Variants in STAU2 observed in about 807,000 individuals in gnomAD.
STAU2 encodes the protein staufen double-stranded RNA binding protein 2.
A neutral mutation model predicts 65.9 loss-of-function variants in STAU2; 20 were observed. The observed-to-expected ratio is 0.30, with a 90% CI of 0.21 to 0.44. STAU2 has a LOEUF of 0.44. Ranked by LOEUF, STAU2 falls within the 20% of genes least tolerant of loss-of-function variation. The pLI, the probability that STAU2 is intolerant of heterozygous loss-of-function variation, is 1.00. For missense variants in STAU2, 558 were observed against 683.9 expected (o/e 0.82, Z 2.05); for synonymous variants, 232 against 233.9 (o/e 0.99, Z 0.07).
intron 13 of STAU2, among the ~76,000 whole-genome samples, chr8:73,522,867 G>C (rs1193622112): frequency 6.6e-6 from 1 of 152,138 alleles, no homozygotes; most frequent in Non-Finnish European, 1.5e-5. Context: ...CCAGACAGGA[G>C]TGGGCTTAGA....
intron 5 of STAU2, among the ~76,000 whole-genome samples, chr8:73,683,828 G>T (rs941523508): frequency 7.9e-5 from 12 of 152,134 alleles, no homozygotes; most frequent in African/African-American, 2.9e-4. Context: ...ACCAAGCTGA[G>T]AATCAAATCA....
chr8:73,707,422 C>G (rs10107852), intron 4 of STAU2, among the ~76,000 whole-genome samples: 49,447 of 151,944 alleles, frequency 0.33, 9,434 homozygotes, highest in African/African-American at 0.52. Flanking sequence ...GGCTGAAGGA[C>G]AGTAGAGAAC....
chr8:73,450,911 G>A (rs1287610775), intron 13 of STAU2, among the ~76,000 whole-genome samples: 1 of 152,150 alleles, frequency 6.6e-6, no homozygotes, highest in Non-Finnish European at 1.5e-5. Context: ...GAAGGTGACG[G>A]CATTTGTAGT....
At chr8:73,601,846 C>A (rs1468967440) in intron 10 of STAU2, among the ~76,000 whole-genome samples, 2 of 152,154 alleles carry the variant, frequency 1.3e-5, no homozygotes, top group Non-Finnish European at 2.9e-5. Context: ...AGTTTATATT[C>A]CCAATACATG....
chr8:73,563,395 C>T (rs1283964581), intron 12 of STAU2, among the ~76,000 whole-genome samples: 2 of 152,168 alleles, frequency 1.3e-5, no homozygotes, highest in Non-Finnish European at 2.9e-5. Flanking sequence ...GGTCACCTCA[C>T]TATGGTGTCA....
intron 4 of STAU2, among the ~76,000 whole-genome samples, chr8:73,700,399 T>C (rs958094728): frequency 2.0e-5 from 3 of 152,024 alleles, no homozygotes; most frequent in Admixed American, 6.6e-5. Context: ...TTGCAGATGA[T>C]ATGATCTTAT....
intron 3 of STAU2, among the ~76,000 whole-genome samples, chr8:73,726,216 G>A (rs554651968): frequency 6.6e-6 from 1 of 152,052 alleles, no homozygotes; most frequent in Non-Finnish European, 1.5e-5. Context: ...ACTCATAAGT[G>A]GGAGCTAAAT....
At chr8:73,468,035 C>T (rs187227661) in intron 13 of STAU2, among the ~76,000 whole-genome samples, 24 of 152,312 alleles carry the variant, frequency 1.6e-4, no homozygotes, top group Admixed American at 3.9e-4. Flanking sequence ...GGAGGCATCA[C>T]GTGCTACCTG....
intron 10 of STAU2, among the ~76,000 whole-genome samples, chr8:73,600,500 A>G (rs547153652): frequency 1.3e-5 from 2 of 152,292 alleles, no homozygotes; most frequent in Admixed American, 6.5e-5. Context: ...CTGCCTCAAC[A>G]TGGCAGGCCC....
At chr8:73,677,228 T>C (rs1264921841) in intron 5 of STAU2, among the ~76,000 whole-genome samples, 1 of 152,182 alleles carries the variant, frequency 6.6e-6, no homozygotes, top group East Asian at 1.9e-4. Context: ...GCTGGAGATA[T>C]CAAATGTTGA....
At chr8:73,504,256 C>A (rs997355582) in intron 13 of STAU2, among the ~76,000 whole-genome samples, 2 of 152,040 alleles carry the variant, frequency 1.3e-5, no homozygotes, top group Non-Finnish European at 2.9e-5. Context: ...CTATCAGATA[C>A]AATAGCTTAC....
At chr8:73,649,869 T>TTATATATATATATA (rs55814743) in intron 6 of STAU2, among the ~76,000 whole-genome samples, 8 of 71,622 alleles carry the variant, frequency 1.1e-4, no homozygotes, top group East Asian at 1.0e-3. Context: ...CTATATAATT[T>TTATATATATATATA]TATATATATA....
At chr8:73,640,241 T>A (rs553643969) in intron 6 of STAU2, among the ~76,000 whole-genome samples, 1 of 148,322 alleles carries the variant, frequency 6.7e-6, no homozygotes. Context: ...AAGAAAAAAA[T>A]GAAACAAAAT....
At position 73,726,008 on chromosome 8, in the gene STAU2, GT is replaced by G. The variant is rs755019951; in HGVS notation, c.-18+12275del. The stretch of plus-strand genomic sequence containing the variant: ...ATTTGATTATGATGTGCGTGGTTAG[GT>G]TTTTTTTTTTTTTAATATTTCTTCT... On this transcript the variant is annotated intron_variant, in intron 3 of 14. Transcript: ENST00000524300. 1.8e-3 allele frequency among the ~76,000 whole-genome samples: 260 copies of G among 144,580 alleles called. 2 individuals carry two copies. Among genetic ancestry groups the G allele is most frequent in the African/African-American group, 4.4e-3 (174 of 39,622 alleles). 94.9% of individuals were successfully genotyped at this position (144,580 alleles called of 152,430 possible). A position where few individuals can be genotyped will look rare whatever the true frequency, so the allele number is the denominator to read the frequency against.
chr8:73,688,318 A>G (rs1158125264), intron 5 of STAU2, among the ~76,000 whole-genome samples: 1 of 151,450 alleles, frequency 6.6e-6, no homozygotes. Context: ...CTGGGATTAT[A>G]GGCACCTGGC....
chr8:73,713,723 A>G (rs954271113), intron 3 of STAU2, among the ~76,000 whole-genome samples: 1 of 152,160 alleles, frequency 6.6e-6, no homozygotes, highest in Non-Finnish European at 1.5e-5. Context: ...AAACTATGTG[A>G]CCAGAATTCA....
chr8:73,446,109 C>G (rs191599611), intron 13 of STAU2, among the ~76,000 whole-genome samples: 11 of 152,298 alleles, frequency 7.2e-5, no homozygotes, highest in South Asian at 2.1e-4. Flanking sequence ...TACTACTCAG[C>G]CATCAAAAGG....
At chr8:73,452,135 C>A (rs1024877228) in intron 13 of STAU2, among the ~76,000 whole-genome samples, 20 of 152,172 alleles carry the variant, frequency 1.3e-4, no homozygotes, top group African/African-American at 4.6e-4. Flanking sequence ...TCCAGGGGCT[C>A]GCTTTCTAGT....
chr8:73,428,138 C>T (rs1471094964), intron 13 of STAU2, among the ~76,000 whole-genome samples: 1 of 152,140 alleles, frequency 6.6e-6, no homozygotes, highest in Non-Finnish European at 1.5e-5. Context: ...TTCCACCTAC[C>T]CCCAGCCTCT....
Sources: allele counts gnomAD v4.1 joint callset (sites outside exome capture counted in the v4.1 genomes callset), GRCh38; gene constraint gnomAD v4.1.1; transcripts MANE v1.5; gene names NCBI Gene and HGNC (gene_info 2026-07-23, HGNC 2026-07-21).